ADK: variants seen among roughly 807,000 people sequenced by gnomAD.
ADK encodes the protein adenosine kinase, also known as N6,N6-dimethyladenosine kinase.
ADK carries 24 observed loss-of-function variants against 44.7 expected under a neutral mutation model. The ratio of observed to expected loss-of-function variants is 0.54; its 90% CI spans 0.39 to 0.76. The LOEUF (loss-of-function observed/expected upper bound fraction) is 0.76. Ranked by LOEUF, ADK falls within the 30% of genes least tolerant of loss-of-function variation. The probability of loss-of-function intolerance (pLI) is 0.00; values close to 1 mark genes in which losing one functional copy is unlikely to be tolerated. For missense variants in ADK, 321 were observed against 425.1 expected, an observed-to-expected ratio of 0.76 and a Z score of 2.15; for synonymous variants, 128 against 142.6, an observed-to-expected ratio of 0.90 and a Z score of 0.73.
chr10:74,331,025 G>A (rs1295931848), intron 4 of ADK, among the ~76,000 whole-genome samples: 2 of 151,908 alleles, frequency 1.3e-5, no homozygotes, highest in Non-Finnish European at 2.9e-5. Context: ...TATATTTCCT[G>A]TTTCTATTTG....
chr10:74,639,850 T>TC (rs1446406536), intron 9 of ADK, among the ~76,000 whole-genome samples: 1 of 151,750 alleles, frequency 6.6e-6, no homozygotes, highest in Non-Finnish European at 1.5e-5. Context: ...CAAGCGAGAC[T>TC]CCATCTCAAA....
In ADK at chr10:74,253,424, T is replaced by C. The variant is rs535392081; in HGVS notation, c.194+28833T>C. On this transcript the variant is annotated intron_variant, in intron 3 of 10. Transcript: ENST00000539909. ...TCATAGCAGTGTTGACATGGCACAC[T>C]GGTGGGTGTGTCTGATGGAAAGCTT... is the stretch of plus-strand genomic sequence containing the variant. 2.6e-5 allele frequency among the ~76,000 whole-genome samples: 4 copies of C among 152,258 alleles called. No individual in the cohort carries two copies. In the South Asian group the frequency reaches 8.3e-4, roughly 32 times the overall value.
At chr10:74,491,198 G>C (rs768910976) in intron 6 of ADK, among the ~76,000 whole-genome samples, 6 of 152,092 alleles carry the variant, frequency 3.9e-5, no homozygotes, top group Non-Finnish European at 8.8e-5. Context: ...ATAGGTGGAA[G>C]ATACTCAGTG....
intron 7 of ADK, among the ~76,000 whole-genome samples, chr10:74,559,758 T>C (rs529808793): frequency 6.6e-6 from 1 of 152,286 alleles, no homozygotes; most frequent in South Asian, 2.1e-4. Context: ...CTTTTCATAT[T>C]ATAGTGCATT....
At chr10:74,212,387 C>T (rs1843850108) in intron 2 of ADK, among the ~76,000 whole-genome samples, 1 of 152,130 alleles carries the variant, frequency 6.6e-6, no homozygotes, top group African/African-American at 2.4e-5. Flanking sequence ...TATTAAATAA[C>T]TGTTTTGCCT....
At chr10:74,446,520 A>G (rs908456427) in intron 6 of ADK, among the ~76,000 whole-genome samples, 2 of 152,162 alleles carry the variant, frequency 1.3e-5, no homozygotes, top group Admixed American at 1.3e-4. Context: ...GCTTAGGAGT[A>G]TAAACTGTAT....
At chr10:74,334,650 G>GT (rs1841346266) in intron 4 of ADK, among the ~76,000 whole-genome samples, 1 of 152,124 alleles carries the variant, frequency 6.6e-6, no homozygotes, top group South Asian at 2.1e-4. Context: ...TGTTTGTATA[G>GT]TTTTGCCTTT....
intron 1 of ADK, among the ~76,000 whole-genome samples, chr10:74,182,218 A>C (rs936125545): frequency 1.3e-5 from 2 of 151,702 alleles, no homozygotes; most frequent in African/African-American, 4.9e-5. Flanking sequence ...TGTTTTTAAA[A>C]TACGAATTGT....
intron 7 of ADK, among the ~76,000 whole-genome samples, chr10:74,564,244 C>T (rs1176374689): frequency 6.6e-6 from 1 of 152,058 alleles, no homozygotes; most frequent in African/African-American, 2.4e-5. Context: ...AGAAATCCCC[C>T]AGAAAGACGA....
intron 4 of ADK, among the ~76,000 whole-genome samples, chr10:74,341,514 C>T (rs1298521560): frequency 2.1e-5 from 3 of 141,820 alleles, no homozygotes; most frequent in South Asian, 4.3e-4. Context: ...ACAACAAGAG[C>T]GAGACTCCGT....
At chr10:74,610,524 C>T (rs1039338354) in intron 9 of ADK, among the ~76,000 whole-genome samples, 1 of 152,030 alleles carries the variant, frequency 6.6e-6, no homozygotes, top group Non-Finnish European at 1.5e-5. Context: ...TGTACAATGG[C>T]ACTGAGCTGT....
chr10:74,641,872 A>G (rs541626216), intron 9 of ADK: 1 of 152,400 alleles, frequency 6.6e-6, no homozygotes, highest in Non-Finnish European at 1.5e-5. Flanking sequence ...TTCCCAGCAT[A>G]GTGACAGCTA....
intron 6 of ADK, among the ~76,000 whole-genome samples, chr10:74,487,913 T>G (rs1013468149): frequency 6.6e-6 from 1 of 152,054 alleles, no homozygotes; most frequent in Admixed American, 6.5e-5. Flanking sequence ...GTACTTATAG[T>G]CATTCTATTT....
rs191196022 is a variant in ADK, at chr10:74,552,184, T to G, written c.726+26758T>G. On this transcript the variant is annotated intron_variant, in intron 7 of 10. Coordinates refer to ENST00000539909, the MANE Select transcript of ADK (RefSeq NM_006721.4). ...GTTTCTGTTAATTCACAGCCAGTTA[T>G]GAAATATGCCACATTTGTCCTGATT... 5.7e-4 allele frequency among the ~76,000 whole-genome samples: 87 copies of G among 152,270 alleles called. 1 individual carries two copies. Among genetic ancestry groups the G allele is most frequent in the Non-Finnish European group, 9.1e-4 (62 of 67,994 alleles).
At chr10:74,305,365 T>C (rs889124292) in intron 3 of ADK, among the ~76,000 whole-genome samples, 2 of 152,206 alleles carry the variant, frequency 1.3e-5, no homozygotes, top group Non-Finnish European at 2.9e-5. Context: ...ATGACTCTAC[T>C]ATAGGAAATC....
intron 6 of ADK, among the ~76,000 whole-genome samples, chr10:74,428,771 G>T (rs540605824): frequency 6.6e-6 from 1 of 152,318 alleles, no homozygotes; most frequent in South Asian, 2.1e-4. Flanking sequence ...AATGTTGTAT[G>T]GGAGAAGAGA....
At chr10:74,408,850 AGAG>A (rs1844061195) in intron 6 of ADK, among the ~76,000 whole-genome samples, 1 of 152,194 alleles carries the variant, frequency 6.6e-6, no homozygotes, top group Non-Finnish European at 1.5e-5. Context: ...GAGGGGAAGA[AGAG>A]GAGGAGTGGT....
chr10:74,273,407 T>C (rs1198171964), intron 3 of ADK, among the ~76,000 whole-genome samples: 2 of 152,168 alleles, frequency 1.3e-5, no homozygotes, highest in African/African-American at 4.8e-5. Context: ...GAATTGCAAT[T>C]TGATTTTTCC....
At chr10:74,673,404 A>T (rs977812467) in intron 10 of ADK, among the ~76,000 whole-genome samples, 1 of 152,212 alleles carries the variant, frequency 6.6e-6, no homozygotes, top group Non-Finnish European at 1.5e-5. Flanking sequence ...GGGCGCAGGA[A>T]CTAGCCAGCC....
Sources: gnomAD v4.1 joint callset for allele counts (sites outside exome capture counted in the v4.1 genomes callset) on GRCh38, gnomAD v4.1.1 for gene constraint, MANE v1.5 for transcripts, NCBI Gene and HGNC (gene_info 2026-07-23, HGNC 2026-07-21) for gene names.